Variants in TGFA observed in about 807,000 individuals in gnomAD.
The protein encoded by TGFA is protransforming growth factor alpha.
In TGFA, 12 loss-of-function variants were observed where a neutral mutation model predicts 21.7. That is an observed-to-expected ratio of 0.55 (90% CI 0.35 to 0.90). The LOEUF is 0.90. TGFA is among the 40% of genes least tolerant of loss of function. The pLI is 0.01. For missense variants in TGFA, 178 were observed against 210.8 expected, an observed-to-expected ratio of 0.84 and a Z score of 0.96; for synonymous variants, 79 against 88.1, an observed-to-expected ratio of 0.90 and a Z score of 0.58.
chr2:70,528,041 T>C (rs1333120967), intron 1 of TGFA, among the ~76,000 whole-genome samples: 3 of 152,216 alleles, frequency 2.0e-5, no homozygotes, highest in African/African-American at 7.2e-5. Context: ...CTCAGCTGAT[T>C]GCAAAGACAG....
chr2:70,522,517 C>T (rs1040259139), intron 1 of TGFA, among the ~76,000 whole-genome samples: 4 of 152,180 alleles, frequency 2.6e-5, no homozygotes, highest in African/African-American at 9.7e-5. Flanking sequence ...TCACTGCAAC[C>T]TCCACCTCCC....
intron 2 of TGFA, among the ~76,000 whole-genome samples, chr2:70,505,761 T>C (rs1296375244): frequency 7.2e-5 from 11 of 152,214 alleles, no homozygotes; most frequent in African/African-American, 2.7e-4. Context: ...TTCTGCTTCA[T>C]CTAATCCATT....
intron 1 of TGFA, among the ~76,000 whole-genome samples, chr2:70,550,472 A>G (rs538296251): frequency 6.6e-6 from 1 of 151,864 alleles, no homozygotes; most frequent in African/African-American, 2.4e-5. Context: ...ATAATTAAAT[A>G]ATTAAAATTA....
chr2:70,494,593 C>G (rs558438397), intron 2 of TGFA, among the ~76,000 whole-genome samples: 2 of 152,322 alleles, frequency 1.3e-5, no homozygotes, highest in African/African-American at 4.8e-5. Flanking sequence ...CCAAATGGCT[C>G]TCATAAATGT....
intron 2 of TGFA, among the ~76,000 whole-genome samples, chr2:70,502,171 G>A (rs1030860077): frequency 1.3e-5 from 2 of 152,094 alleles, no homozygotes; most frequent in Non-Finnish European, 2.9e-5. Context: ...AGCATTCCAC[G>A]TCTCCCATAA....
At chr2:70,457,980 C>T (rs528918972) in intron 3 of TGFA, among the ~76,000 whole-genome samples, 11 of 152,264 alleles carry the variant, frequency 7.2e-5, no homozygotes, top group African/African-American at 2.6e-4. Context: ...AATTAGCTAG[C>T]CTCTAACCTT....
chr2:70,454,845 GT>G (rs1553490228), intron 4 of TGFA, among the ~76,000 whole-genome samples: 1 of 152,202 alleles, frequency 6.6e-6, no homozygotes, highest in Non-Finnish European at 1.5e-5. Flanking sequence ...GATCATTCCT[GT>G]TTCCAGACAA....
chr2:70,450,493 C>T lies in TGFA; in HGVS notation c.*366G>A, dbSNP rs1303676109. ...AGAATTCTGTTGTGGGGAGGTGGCC[C>T]ATTAAAAAGAAATATATAGCCTGGA... is the stretch of plus-strand genomic sequence containing the variant. On this transcript the variant is annotated 3_prime_UTR_variant, in exon 6 of 6. Transcript: ENST00000295400. 1 of 207,152 alleles carries T rather than the reference C, an allele frequency of 4.8e-6. No homozygotes were observed. Among genetic ancestry groups the T allele is most frequent in the Non-Finnish European group, 9.7e-6 (1 of 103,186 alleles). 12.8% of individuals were successfully genotyped at this position (207,152 alleles called of 1,614,324 possible).
At chr2:70,539,251 T>G (rs2103927288) in intron 1 of TGFA, among the ~76,000 whole-genome samples, 1 of 152,306 alleles carries the variant, frequency 6.6e-6, no homozygotes, top group East Asian at 1.9e-4. Flanking sequence ...TTTATTGTGG[T>G]GGCCCGGAGC....
chr2:70,464,445 C>T (rs1441908167), intron 3 of TGFA, among the ~76,000 whole-genome samples: 1 of 152,142 alleles, frequency 6.6e-6, no homozygotes, highest in Non-Finnish European at 1.5e-5. Flanking sequence ...CATATGGATC[C>T]ATGACTCTTA....
intron 1 of TGFA, among the ~76,000 whole-genome samples, chr2:70,521,166 C>A (rs190328678): frequency 3.3e-5 from 5 of 152,170 alleles, no homozygotes; most frequent in African/African-American, 1.2e-4. Context: ...ATCCTCTAAG[C>A]TCTCCATGGG....
At chr2:70,474,565 G>A (rs1668735244) in intron 2 of TGFA, among the ~76,000 whole-genome samples, 1 of 152,206 alleles carries the variant, frequency 6.6e-6, no homozygotes, top group Non-Finnish European at 1.5e-5. Flanking sequence ...TCACAAGGGA[G>A]CAGTGGTTGA....
chr2:70,535,985 T>C (rs1305906568), intron 1 of TGFA, among the ~76,000 whole-genome samples: 1 of 152,194 alleles, frequency 6.6e-6, no homozygotes, highest in African/African-American at 2.4e-5. Flanking sequence ...GTAATGCTTT[T>C]TTTCTCTCTC....
At chr2:70,540,246 T>C (rs1559143088) in intron 1 of TGFA, among the ~76,000 whole-genome samples, 1 of 152,208 alleles carries the variant, frequency 6.6e-6, no homozygotes, top group Non-Finnish European at 1.5e-5. Context: ...TGGAATACAC[T>C]TTATCTTCTT....
chr2:70,454,177 A>G (rs574886732), intron 4 of TGFA, among the ~76,000 whole-genome samples: 72 of 152,270 alleles, frequency 4.7e-4, no homozygotes, highest in African/African-American at 1.7e-3. Flanking sequence ...TGGAGTTAGG[A>G]GAAATTTCCT....
At chr2:70,455,013 C>G (rs145449890) in intron 4 of TGFA, among the ~76,000 whole-genome samples, 1 of 152,310 alleles carries the variant, frequency 6.6e-6, no homozygotes, top group African/African-American at 2.4e-5. Context: ...GGCTGGCAGC[C>G]CACTAGCTTG....
intron 1 of TGFA, chr2:70,553,435 C>T: frequency 1.4e-6 from 2 of 1,423,664 alleles, no homozygotes; most frequent in Non-Finnish European, 1.8e-6. Context: ...AGACACACAG[C>T]TGCGGCGGAT....
rs540316166 is a variant in TGFA at position 70,526,369 on chromosome 2, C to T, written c.41-11457G>A. Among the ~76,000 whole-genome samples, 122 of 152,284 alleles carry T rather than the reference C, an allele frequency of 8.0e-4. 3 individuals are homozygous for T. The South Asian group carries it at 0.023, about 29-fold the overall frequency. On this transcript the variant is annotated intron_variant, in intron 1 of 5. Transcript: ENST00000295400. ...GAAGCCCCAAGAGGGAAGAAACACA[C>T]GGGGATGATGCATTTGACTTTCTTT...
At chr2:70,548,481 C>T (rs1224179241) in intron 1 of TGFA, among the ~76,000 whole-genome samples, 4 of 152,212 alleles carry the variant, frequency 2.6e-5, no homozygotes, top group Admixed American at 2.6e-4. Flanking sequence ...TAAAGGGGTT[C>T]CGTCTTGAGG....
Sources: allele counts gnomAD v4.1 joint callset (sites outside exome capture counted in the v4.1 genomes callset), GRCh38; gene constraint gnomAD v4.1.1; transcripts MANE v1.5; gene names NCBI Gene and HGNC (gene_info 2026-07-23, HGNC 2026-07-21).